CCNJL: variants seen among roughly 807,000 people sequenced by gnomAD.
CCNJL encodes the protein cyclin-J-like protein.
A neutral mutation model predicts 33.4 loss-of-function variants in CCNJL; 33 were observed. That is an observed-to-expected ratio of 0.99 (90% CI 0.75 to 1.32). The LOEUF (loss-of-function observed/expected upper bound fraction) is 1.32, where lower values mean the gene tolerates loss of function less well. Among genes scored for constraint, CCNJL ranks in the 40% most tolerant of loss-of-function variants. The pLI, the probability that CCNJL is intolerant of heterozygous loss-of-function variation, is 0.00. For synonymous variants in CCNJL, 227 were observed against 220.9 expected (o/e 1.03, Z -0.24); for missense variants, 512 against 499.7 (o/e 1.02, Z -0.23).
intron 3 of CCNJL, among the ~76,000 whole-genome samples, chr5:160,270,150 A>T (rs1450557131): frequency 6.8e-6 from 1 of 147,476 alleles, no homozygotes; most frequent in Non-Finnish European, 1.5e-5. Context: ...GTCTCTACCA[A>T]AAAAAAAAAA....
chr5:160,284,111 G>A (rs1762330635), intron 2 of CCNJL, among the ~76,000 whole-genome samples: 1 of 152,160 alleles, frequency 6.6e-6, no homozygotes, highest in South Asian at 2.1e-4. Flanking sequence ...CAGCACTTTG[G>A]GAGGCTGAGG....
chr5:160,310,546 T>G (rs1381474203), intron 2 of CCNJL, among the ~76,000 whole-genome samples: 1 of 152,184 alleles, frequency 6.6e-6, no homozygotes, highest in Non-Finnish European at 1.5e-5. Flanking sequence ...GAAACCTGTG[T>G]GGGGGCTCAG....
Position 160,311,950 on chromosome 5 carries a change from C to T in CCNJL, c.-27G>A. ...GCGTACGCAGCGCCGCTATCCGAGGCTACCCGGCTCTCAGGGCGCACCCTG... is the reference window on the plus strand; with the variant it reads ...GCGTACGCAGCGCCGCTATCCGAGGTTACCCGGCTCTCAGGGCGCACCCTG... On this transcript the variant is annotated 5_prime_UTR_variant, in exon 2 of 6. The change abolishes the stop of an existing upstream ORF in the 5' untranslated region. Transcript: ENST00000257536. The T allele has an allele frequency of 6.2e-7, 1 of 1,612,200 alleles. No individual in the cohort carries two copies. Among genetic ancestry groups the T allele is most frequent in the Admixed American group, 1.7e-5 (1 of 60,012 alleles).
chr5:160,298,493 G>A (rs1332744208), intron 2 of CCNJL, among the ~76,000 whole-genome samples: 5 of 152,196 alleles, frequency 3.3e-5, no homozygotes, highest in African/African-American at 1.2e-4. Flanking sequence ...CACACACTCT[G>A]CTGAGAGCTG....
In CCNJL at chr5:160,249,729, C is replaced by T. The variant is rs984759446; in HGVS notation, c.*3649G>A. 6.6e-6 allele frequency: 1 copy of T among 151,304 alleles called. No individual in the cohort carries two copies. Among genetic ancestry groups the T allele is most frequent in the African/African-American group, 2.4e-5 (1 of 41,078 alleles). The allele number at this position is 151,304 out of a possible 1,614,324, so 9.4% of individuals were successfully genotyped here. A position where few individuals can be genotyped will look rare whatever the true frequency, so the allele number is the denominator to read the frequency against. On this transcript the variant is annotated 3_prime_UTR_variant, in exon 6 of 6. Transcript: ENST00000257536. ...AGTGAGCCGTGACTGTGCCACTGCACTCTAGCCTGGGCCACAGAGTGAGAC... is the reference window on the plus strand; with the variant it reads ...AGTGAGCCGTGACTGTGCCACTGCATTCTAGCCTGGGCCACAGAGTGAGAC...
intron 2 of CCNJL, among the ~76,000 whole-genome samples, chr5:160,289,599 A>G (rs1393082174): frequency 1.3e-5 from 2 of 151,888 alleles, no homozygotes; most frequent in Non-Finnish European, 2.9e-5. Context: ...CTTGCTGCCC[A>G]AGAGTTTTGC....
intron 2 of CCNJL, among the ~76,000 whole-genome samples, chr5:160,303,700 C>CTGTGTGTGTGTGTG (rs551491563): frequency 1.9e-5 from 2 of 104,232 alleles, no homozygotes; most frequent in Non-Finnish European, 3.9e-5. Flanking sequence ...CTCTGTGTGT[C>CTGTGTGTGTGTGTG]TGTGTGTGTG....
chr5:160,266,370 G>C (rs905241162), intron 3 of CCNJL, among the ~76,000 whole-genome samples: 4 of 152,262 alleles, frequency 2.6e-5, no homozygotes, highest in Non-Finnish European at 4.4e-5. Context: ...CTTCCTTCCT[G>C]GAGTGGAGAA....
chr5:160,323,346 C>T (rs1369859464), intron 1 of CCNJL, among the ~76,000 whole-genome samples: 1 of 152,168 alleles, frequency 6.6e-6, no homozygotes, highest in East Asian at 1.9e-4. Flanking sequence ...GCTCCCACCT[C>T]AGCCTCTTAA....
At chr5:160,307,795 G>A (rs767254617) in intron 2 of CCNJL, among the ~76,000 whole-genome samples, 1 of 152,158 alleles carries the variant, frequency 6.6e-6, no homozygotes, top group Non-Finnish European at 1.5e-5. Context: ...AGATGCAGCA[G>A]GGACAGGAAG....
intron 1 of CCNJL, among the ~76,000 whole-genome samples, chr5:160,322,202 C>T (rs952579095): frequency 6.6e-6 from 1 of 152,198 alleles, no homozygotes; most frequent in Non-Finnish European, 1.5e-5. Flanking sequence ...GGTGAAGTTC[C>T]CATTTACTTA....
chr5:160,279,288 T>A (rs1355014771), intron 3 of CCNJL, among the ~76,000 whole-genome samples: 1 of 152,136 alleles, frequency 6.6e-6, no homozygotes, highest in Non-Finnish European at 1.5e-5. Flanking sequence ...GAATGTAAAA[T>A]CTGACTGTCA....
At chr5:160,280,489 G>A (rs772079141) in intron 3 of CCNJL, 36 bp downstream of exon 3, 11 of 1,550,872 alleles carry the variant, frequency 7.1e-6, no homozygotes, top group East Asian at 2.2e-5. Context: ...GGAGGAGACC[G>A]CACAAGCGCG....
intron 2 of CCNJL, among the ~76,000 whole-genome samples, chr5:160,294,529 G>T (rs563420889): frequency 6.6e-6 from 1 of 152,256 alleles, no homozygotes; most frequent in East Asian, 1.9e-4. Flanking sequence ...TCTGTACCAG[G>T]CCCAGCCACA....
intron 3 of CCNJL, among the ~76,000 whole-genome samples, chr5:160,275,124 G>T (rs1294845930): frequency 6.6e-6 from 1 of 151,034 alleles, no homozygotes; most frequent in Non-Finnish European, 1.5e-5. Flanking sequence ...TTGCCCTGCG[G>T]CCTAGGCTGG....
chr5:160,334,776 C>T (rs1225213039), intron 1 of CCNJL, among the ~76,000 whole-genome samples: 1 of 152,234 alleles, frequency 6.6e-6, no homozygotes, highest in African/African-American at 2.4e-5. Flanking sequence ...ATCAGATCCA[C>T]CTGGAGGGTT....
At chr5:160,292,443 GA>G (rs902435641) in intron 2 of CCNJL, among the ~76,000 whole-genome samples, 11 of 152,232 alleles carry the variant, frequency 7.2e-5, no homozygotes, top group African/African-American at 2.6e-4. Context: ...GCAATTTAGG[GA>G]GACCTCATCT....
intron 1 of CCNJL, among the ~76,000 whole-genome samples, chr5:160,325,613 G>A (rs1485956679): frequency 6.6e-6 from 1 of 152,088 alleles, no homozygotes; most frequent in South Asian, 2.1e-4. Flanking sequence ...CATGCCATGG[G>A]TATTATGGTT....
intron 3 of CCNJL, among the ~76,000 whole-genome samples, chr5:160,268,680 T>G (rs1204548560): frequency 6.6e-6 from 1 of 152,118 alleles, no homozygotes; most frequent in African/African-American, 2.4e-5. Context: ...CCAGGTAGCC[T>G]CCCCTTAAGT....
Sources: allele counts gnomAD v4.1 joint callset (sites outside exome capture counted in the v4.1 genomes callset), GRCh38; gene constraint gnomAD v4.1.1; transcripts MANE v1.5; gene names NCBI Gene and HGNC (gene_info 2026-07-23, HGNC 2026-07-21).